Variants in ADAT2 observed in about 807,000 individuals in gnomAD.
The protein encoded by ADAT2 is adenosine deaminase tRNA specific 2, also known as tRNA-specific adenosine-34 deaminase catalytic subunit ADAT2.
Under a neutral mutation model 25.9 loss-of-function variants are expected in ADAT2, and 26 were observed. The observed-to-expected ratio is 1.00, with a 90% CI of 0.74 to 1.39. The LOEUF (loss-of-function observed/expected upper bound fraction) is 1.39. Among genes scored for constraint, ADAT2 ranks in the 40% most tolerant of loss-of-function variants. The pLI, the probability that ADAT2 is intolerant of heterozygous loss-of-function variation, is 0.00. For synonymous variants in ADAT2, 76 were observed against 86.8 expected (o/e 0.88, Z 0.69); for missense variants, 220 against 244.8 (o/e 0.90, Z 0.68).
chr6:143,428,541 G>A lies in ADAT2; in HGVS notation c.533-35C>T. The A allele has an allele frequency of 3.7e-6, 6 of 1,612,912 alleles. No individual in the cohort carries two copies. Among genetic ancestry groups the A allele is most frequent in the Non-Finnish European group, 5.1e-6 (6 of 1,179,232 alleles). ...GAATAGAAAAGAAAAAGAAAATGAA[G>A]AGGTAAGCTCATAGCAGATTCTCTT... On this transcript the variant is annotated intron_variant, in intron 5 of 5. Transcript: ENST00000237283. This position sits in a 1 kb window ranked among gnomAD's most constrained non-coding sequence, Gnocchi z 5.0.
At position 143,436,660 on chromosome 6, in the gene ADAT2, G is replaced by T; in HGVS notation, c.201+1930C>A. The T allele has an allele frequency of 2.9e-6, 1 of 339,876 alleles. No individual in the cohort carries two copies. The highest frequency in any genetic ancestry group is 5.9e-6 in the Non-Finnish European group (1 of 170,380). The allele number at this position is 339,876 out of a possible 1,614,324, so 21.1% of individuals were successfully genotyped here. On this transcript the variant is annotated intron_variant, in intron 2 of 5. Transcript: ENST00000237283. The surrounding 1 kb of genome is among the most constrained non-coding windows in gnomAD (Gnocchi z 4.1). Reference sequence around the variant, plus strand: ...GTACCAACAGTATCAGGATGCCACTGTTGAGGAGGAGGGAGAGTCTGAGGA... The same window carrying T: ...GTACCAACAGTATCAGGATGCCACTTTTGAGGAGGAGGGAGAGTCTGAGGA...
chr6:143,441,401 G>A (rs1394768337), intron 1 of ADAT2: 1 of 152,196 alleles, frequency 6.6e-6, no homozygotes, highest in African/African-American at 2.4e-5. Flanking sequence ...ACCTGAGGCT[G>A]GGTAGTTTAT....
intron 2 of ADAT2, among the ~76,000 whole-genome samples, chr6:143,438,354 G>C (rs766078631): frequency 1.3e-5 from 2 of 152,036 alleles, no homozygotes; most frequent in Non-Finnish European, 2.9e-5. Context: ...TATTCACTAA[G>C]ATTTTATGGC....
rs1240574443 is a variant in ADAT2, at chr6:143,450,688, C to CGGCAGAGGAGGAGCGCG, written c.-31_-30insCGCGCTCCTCCTCTGCC. 1.1e-5 allele frequency: 17 copies of CGGCAGAGGAGGAGCGCG among 1,608,020 alleles called. No individual in the cohort carries two copies. The African/African-American group carries it at 2.0e-4, about 19-fold the overall frequency. ...AGCCACCACTCAGCTACAGAGCCCG[C>CGGCAGAGGAGGAGCGCG]GGCAGAGGAGGAGCGCGGGCAGCGG... On this transcript the variant is annotated 5_prime_UTR_variant, in exon 1 of 6. Transcript: ENST00000237283.
intron 1 of ADAT2, 46 bp from the exon 2 acceptor site, chr6:143,438,740 A>C (rs1779368962): frequency 1.4e-6 from 2 of 1,462,026 alleles, no homozygotes; most frequent in East Asian, 2.3e-5. Context: ...TCCATACTTG[A>C]AGAGAGTATA....
intron 1 of ADAT2, among the ~76,000 whole-genome samples, chr6:143,448,517 T>G (rs1310901877): frequency 2.6e-5 from 4 of 151,526 alleles, no homozygotes; most frequent in South Asian, 4.2e-4. Flanking sequence ...AAAAAAAGGG[T>G]TTTCTAAATT....
At chr6:143,450,485 G>C in intron 1 of ADAT2, 78 bp downstream of exon 1, 1 of 1,476,600 alleles carries the variant, frequency 6.8e-7, no homozygotes, top group Non-Finnish European at 9.4e-7. Flanking sequence ...GAGAAAGAAC[G>C]TTTGCTCAAA....
rs1033598091 is a variant in ADAT2 at position 143,437,080 on chromosome 6, T to TG, written c.201+1509dup. On this transcript the variant is annotated intron_variant, in intron 2 of 5. Transcript: ENST00000237283. This position sits in a 1 kb window ranked among gnomAD's most constrained non-coding sequence, Gnocchi z 4.1. ...AAGCAAATTGATAAAAAAGTTTTTT[T>TG]GGGGGGCTGACATATTAACTACAGA... Among the ~76,000 whole-genome samples the TG allele has an allele frequency of 1.3e-5, 2 of 152,080 alleles. No homozygotes were observed. The highest frequency in any genetic ancestry group is 4.8e-5 in the African/African-American group (2 of 41,366).
chr6:143,428,001 C>T lies in ADAT2; in HGVS notation c.*462G>A, dbSNP rs971186262. 11 of 164,386 alleles carry T rather than the reference C, an allele frequency of 6.7e-5. No homozygotes were observed. Among genetic ancestry groups the T allele is most frequent in the South Asian group, 3.2e-4 (2 of 6,290 alleles). 10.2% of individuals were successfully genotyped at this position (164,386 alleles called of 1,614,324 possible). On this transcript the variant is annotated 3_prime_UTR_variant, in exon 6 of 6. Coordinates refer to ENST00000237283, the MANE Select transcript of ADAT2 (RefSeq NM_182503.3). This position sits in a 1 kb window ranked among gnomAD's most constrained non-coding sequence, Gnocchi z 5.0. ...ATACAATTTAGAGAGAAGTCACAGCCCCCAGTGCCCTGGAAGAACATCGTA... is the reference window on the plus strand; with the variant it reads ...ATACAATTTAGAGAGAAGTCACAGCTCCCAGTGCCCTGGAAGAACATCGTA...
chr6:143,443,844 GT>G (rs1348770024), intron 1 of ADAT2, among the ~76,000 whole-genome samples: 1 of 146,708 alleles, frequency 6.8e-6, no homozygotes, highest in African/African-American at 2.5e-5. Context: ...AAAAAAAAAA[GT>G]TAAAAAAAAA....
Position 143,425,405 on chromosome 6 carries a change from C to T in ADAT2, c.*3058G>A, listed in dbSNP as rs1375221792. On this transcript the variant is annotated 3_prime_UTR_variant, in exon 6 of 6. Transcript: ENST00000237283. ...TGGTGACATGAGTCTGTGGTCCCAG[C>T]TACTCAGGAGGCTGAGGAGGAAGGA... 1 of 151,618 alleles carries T rather than the reference C, an allele frequency of 6.6e-6. No individual in the cohort carries two copies. The highest frequency in any genetic ancestry group is 1.4e-5 in the Non-Finnish European group (1 of 69,786). 9.4% of individuals were successfully genotyped at this position (151,618 alleles called of 1,614,324 possible).
At chr6:143,449,133 A>G (rs547938882) in intron 1 of ADAT2, among the ~76,000 whole-genome samples, 247 of 152,018 alleles carry the variant, frequency 1.6e-3, no homozygotes, top group Non-Finnish European at 2.9e-3. Flanking sequence ...TGCGACCTCA[A>G]TCTCCCAAGG....
At position 143,434,533 on chromosome 6, in the gene ADAT2, T is replaced by C. The variant is rs1341155890; in HGVS notation, c.202-552A>G. Among the ~76,000 whole-genome samples the C allele has an allele frequency of 6.6e-6, 1 of 152,218 alleles. No homozygotes were observed. Among genetic ancestry groups the C allele is most frequent in the Non-Finnish European group, 1.5e-5 (1 of 68,040 alleles). ...ACACTTCATGGGAAGCAGTAGAGGATAGGAGAAATCACATAGCATGTGGAA... is the reference window on the plus strand; with the variant it reads ...ACACTTCATGGGAAGCAGTAGAGGACAGGAGAAATCACATAGCATGTGGAA... On this transcript the variant is annotated intron_variant, in intron 2 of 5. Transcript: ENST00000237283. The surrounding 1 kb of genome is among the most constrained non-coding windows in gnomAD (Gnocchi z 4.5).
chr6:143,445,090 T>G, intron 1 of ADAT2: 1 of 364,216 alleles, frequency 2.7e-6, no homozygotes, highest in South Asian at 3.9e-5. Context: ...TTCTGAGTGA[T>G]TACTCTCTGA....
At position 143,432,613 on chromosome 6, in the gene ADAT2, T is replaced by C. The variant is rs201140903; in HGVS notation, c.353-2A>G. On this transcript the variant is annotated splice_acceptor_variant, in intron 3 of 5. Coordinates refer to ENST00000237283, the MANE Select transcript of ADAT2 (RefSeq NM_182503.3). LOFTEE classifies it high-confidence loss of function. The surrounding 1 kb of genome is among the most constrained non-coding windows in gnomAD (Gnocchi z 4.4). ...AGCCATATACAACCAGCGGGATTTA[T>C]AAGACAGAATTAAGGTCCTGCATAG... The C allele has an allele frequency of 3.8e-5, 62 of 1,613,670 alleles. No individual in the cohort carries two copies. Among genetic ancestry groups the C allele is most frequent in the Non-Finnish European group, 4.9e-5 (58 of 1,179,668 alleles).
rs534350732 is a variant in ADAT2 at position 143,434,748 on chromosome 6, C to T, written c.202-767G>A. ...CACATAATACTACACATGTACTCTGCTAGCTCTTGTCTCCTTTTCTTTCTC... is the reference window on the plus strand; with the variant it reads ...CACATAATACTACACATGTACTCTGTTAGCTCTTGTCTCCTTTTCTTTCTC... On this transcript the variant is annotated intron_variant, in intron 2 of 5. Transcript: ENST00000237283. The surrounding 1 kb of genome is among the most constrained non-coding windows in gnomAD (Gnocchi z 4.5). 6.6e-6 allele frequency among the ~76,000 whole-genome samples: 1 copy of T among 152,294 alleles called. No homozygotes were observed. The highest frequency in any genetic ancestry group is 2.1e-4 in the South Asian group (1 of 4,828).
rs965169284 is a variant in ADAT2 at position 143,434,957 on chromosome 6, C to A, written c.202-976G>T. ...TCAACAAGCATAAAATCTGGTAGGG[C>A]TCATTTACCTGTGAGATAGGGCAGG... On this transcript the variant is annotated intron_variant, in intron 2 of 5. Coordinates refer to ENST00000237283, the MANE Select transcript of ADAT2 (RefSeq NM_182503.3). The surrounding 1 kb of genome is among the most constrained non-coding windows in gnomAD (Gnocchi z 4.5). Among the ~76,000 whole-genome samples the A allele has an allele frequency of 6.6e-6, 1 of 152,042 alleles. No homozygotes were observed. Among genetic ancestry groups the A allele is most frequent in the African/African-American group, 2.4e-5 (1 of 41,398 alleles).
intron 1 of ADAT2, among the ~76,000 whole-genome samples, chr6:143,447,523 A>G (rs550360957): frequency 6.6e-6 from 1 of 152,348 alleles, no homozygotes; most frequent in Non-Finnish European, 1.5e-5. Context: ...AGAGATATGG[A>G]AGGATGCTCC....
Position 143,446,390 on chromosome 6 carries a change from G to A in ADAT2, c.96+4173C>T, listed in dbSNP as rs1779601447. Among the ~76,000 whole-genome samples the A allele has an allele frequency of 6.6e-6, 1 of 152,012 alleles. No individual in the cohort carries two copies. The highest frequency in any genetic ancestry group is 2.4e-5 in the African/African-American group (1 of 41,364). ...GTCTCCTATTATTTGACATTTAAGT[G>A]ATTCAAATTCTTCACTATTATAAAC... On this transcript the variant is annotated intron_variant, in intron 1 of 5. Transcript: ENST00000237283. This position sits in a 1 kb window ranked among gnomAD's most constrained non-coding sequence, Gnocchi z 5.0.
Sources: gnomAD v4.1 joint callset for allele counts (sites outside exome capture counted in the v4.1 genomes callset) on GRCh38, gnomAD v4.1.1 for gene constraint, Gnocchi (gnomAD v3.1) non-coding constraint, MANE v1.5 for transcripts, NCBI Gene and HGNC (gene_info 2026-07-23, HGNC 2026-07-21) for gene names.